The following DENND5A variants were observed in gnomAD, a reference collection of about 807,000 sequenced individuals.
The protein encoded by DENND5A is DENN domain-containing protein 5A.
A neutral mutation model predicts 140.3 loss-of-function variants in DENND5A; 64 were observed. The ratio of observed to expected loss-of-function variants is 0.46; its 90% CI spans 0.37 to 0.56. The LOEUF is 0.56. DENND5A is among the 20% of genes least tolerant of loss of function. The probability of loss-of-function intolerance (pLI) is 0.00; values close to 1 mark genes in which losing one functional copy is unlikely to be tolerated. For synonymous variants in DENND5A, 605 were observed against 607.7 expected (o/e 1.00, Z 0.07); for missense variants, 1,292 against 1,593.8 (o/e 0.81, Z 3.22).
At chr11:9,162,568 A>G (rs1219126775) in intron 11 of DENND5A, among the ~76,000 whole-genome samples, 2 of 151,918 alleles carry the variant, frequency 1.3e-5, no homozygotes, top group East Asian at 3.9e-4. Context: ...CTGTCTGTTT[A>G]TATCTTTGAA....
chr11:9,254,057 G>A (rs979817005), intron 1 of DENND5A, among the ~76,000 whole-genome samples: 5 of 151,598 alleles, frequency 3.3e-5, no homozygotes, highest in Non-Finnish European at 7.4e-5. Context: ...TCAGGAGGCC[G>A]AGGCAGGAGA....
At chr11:9,242,963 C>G (rs1412730440) in intron 1 of DENND5A, 1 of 151,956 alleles carries the variant, frequency 6.6e-6, no homozygotes, top group Non-Finnish European at 1.5e-5. Flanking sequence ...TGGCACTCAC[C>G]TGTAATCCCA....
chr11:9,193,042 T>C (rs960762809), intron 5 of DENND5A, among the ~76,000 whole-genome samples: 2 of 151,864 alleles, frequency 1.3e-5, no homozygotes, highest in East Asian at 1.9e-4. Context: ...CTGGGCAACA[T>C]GGTGAGACCC....
intron 1 of DENND5A, among the ~76,000 whole-genome samples, chr11:9,222,070 T>C (rs964018043): frequency 6.6e-6 from 1 of 152,154 alleles, no homozygotes; most frequent in African/African-American, 2.4e-5. Context: ...ATTTTTAATA[T>C]CCAATTATAA....
intron 1 of DENND5A, among the ~76,000 whole-genome samples, chr11:9,252,428 C>T (rs1325382578): frequency 6.6e-6 from 1 of 152,014 alleles, no homozygotes; most frequent in Admixed American, 6.6e-5. Context: ...GTGGGTGGAT[C>T]ACCTGAGGTC....
At chr11:9,164,434 TG>T (rs915047138) in intron 11 of DENND5A, among the ~76,000 whole-genome samples, 1 of 152,004 alleles carries the variant, frequency 6.6e-6, no homozygotes, top group African/African-American at 2.4e-5. Context: ...TCACTTCAAA[TG>T]GGCACCACTT....
chr11:9,237,055 T>C (rs777098894), intron 1 of DENND5A, among the ~76,000 whole-genome samples: 30 of 152,166 alleles, frequency 2.0e-4, no homozygotes, highest in Admixed American at 1.2e-3. Flanking sequence ...AGACAATTCA[T>C]AGAATAAACA....
intron 1 of DENND5A, among the ~76,000 whole-genome samples, chr11:9,227,770 C>T (rs1043404880): frequency 2.6e-5 from 4 of 151,146 alleles, no homozygotes; most frequent in Admixed American, 6.6e-5. Context: ...GCCTGGGCAA[C>T]ATAGCAAGAT....
intron 5 of DENND5A, among the ~76,000 whole-genome samples, chr11:9,191,307 C>T (rs1315026214): frequency 2.0e-5 from 3 of 151,990 alleles, no homozygotes; most frequent in African/African-American, 7.3e-5. Context: ...GGCGTGATCT[C>T]GGCTCACTGC....
chr11:9,261,490 G>T (rs1007772811), intron 1 of DENND5A, among the ~76,000 whole-genome samples: 9 of 152,206 alleles, frequency 5.9e-5, no homozygotes, highest in African/African-American at 2.2e-4. Context: ...TTTATTCAAA[G>T]ATTCCCTCTG....
At chr11:9,260,459 C>T (rs1186811758) in intron 1 of DENND5A, among the ~76,000 whole-genome samples, 1 of 152,186 alleles carries the variant, frequency 6.6e-6, no homozygotes, top group South Asian at 2.1e-4. Context: ...CTGAACTCCA[C>T]TATCATCTGC....
chr11:9,143,583 A>G (rs1847321613), intron 19 of DENND5A, 98 bp from the exon 20 acceptor site: 3 of 997,380 alleles, frequency 3.0e-6, no homozygotes, highest in Non-Finnish European at 4.8e-6. Context: ...GGCCCATAGG[A>G]GAGGCAGGGC....
At chr11:9,247,987 GTTGTT>G (rs1448371202) in intron 1 of DENND5A, among the ~76,000 whole-genome samples, 2 of 152,016 alleles carry the variant, frequency 1.3e-5, no homozygotes, top group East Asian at 1.9e-4. Flanking sequence ...TTATCTTTGG[GTTGTT>G]TTGTTTTGTT....
intron 22 of DENND5A, chr11:9,140,078 C>G (rs1452192954): frequency 8.1e-6 from 10 of 1,238,976 alleles, no homozygotes; most frequent in Non-Finnish European, 1.1e-5. Context: ...GCCTCCAAGC[C>G]TCCTCCTCCC....
intron 13 of DENND5A, among the ~76,000 whole-genome samples, chr11:9,151,812 T>C (rs1305287883): frequency 6.6e-6 from 1 of 152,166 alleles, no homozygotes; most frequent in Non-Finnish European, 1.5e-5. Flanking sequence ...TCAATTCCTC[T>C]CCAGACTCGT....
chr11:9,165,694 A>C, intron 11 of DENND5A, 142 bp downstream of exon 11: 1 of 1,008,800 alleles, frequency 9.9e-7, no homozygotes, highest in Non-Finnish European at 1.5e-6. Flanking sequence ...ATGGTCTCCC[A>C]AAGTGTTGGG....
chr11:9,164,285 T>C (rs1453552396), intron 11 of DENND5A, among the ~76,000 whole-genome samples: 1 of 141,294 alleles, frequency 7.1e-6, no homozygotes, highest in Non-Finnish European at 1.5e-5. Flanking sequence ...ACTTCTGGGC[T>C]CGAGTGATTC....
At chr11:9,251,732 G>A (rs1039985773) in intron 1 of DENND5A, among the ~76,000 whole-genome samples, 4 of 152,186 alleles carry the variant, frequency 2.6e-5, no homozygotes, top group African/African-American at 4.8e-5. Flanking sequence ...GCTCACACCT[G>A]TAATCCCAGC....
At position 9,189,795 on chromosome 11, in the gene DENND5A, C is replaced by G. The variant is rs554613031; in HGVS notation, c.1137+3699G>C. 4.6e-5 allele frequency among the ~76,000 whole-genome samples: 7 copies of G among 152,294 alleles called. No homozygotes were observed. In the East Asian group the frequency reaches 1.2e-3, roughly 25 times the overall value. The stretch of plus-strand genomic sequence containing the variant: ...AGGTGGGATAACAGGCTTGTGCCAC[C>G]ATGCCCAGCCAATTTTGTGTTTTAA... On this transcript the variant is annotated intron_variant, in intron 5 of 22. Transcript: ENST00000328194.
Sources: allele counts gnomAD v4.1 joint callset (sites outside exome capture counted in the v4.1 genomes callset), GRCh38; gene constraint gnomAD v4.1.1; transcripts MANE v1.5; gene names NCBI Gene and HGNC (gene_info 2026-07-23, HGNC 2026-07-21).